FADS6: variants seen among roughly 807,000 people sequenced by gnomAD.
FADS6 encodes the protein fatty acid desaturase domain family, member 6.
A neutral mutation model predicts 31.7 loss-of-function variants in FADS6; 28 were observed. The ratio of observed to expected loss-of-function variants is 0.88; its 90% CI spans 0.66 to 1.21. FADS6 has a LOEUF of 1.21. Among genes scored for constraint, FADS6 ranks in the 50% most tolerant of loss-of-function variants. The pLI is 0.00. For missense variants in FADS6, 494 were observed against 504.2 expected (o/e 0.98, Z 0.19); for synonymous variants, 191 against 213.1 (o/e 0.90, Z 0.90).
In FADS6 at chr17:74,893,524, G is replaced by GGGCTCCGTAGGTTCCATA; in HGVS notation, c.71_72insTATGGAACCTACGGAGCC (p.Thr28_Pro33dup). ...GTTCCATGGGCTCCGTAGGTTCCAT[G>GGGCTCCGTAGGTTCCATA]GGCTCCGTAGGTTCCATGGGCTCCG... On this transcript the variant is annotated inframe_insertion, in exon 1 of 6. Coordinates refer to ENST00000612771, the MANE Select transcript of FADS6 (RefSeq NM_178128.6). 6.4e-7 allele frequency: 1 copy of GGGCTCCGTAGGTTCCATA among 1,572,758 alleles called. No individual in the cohort carries two copies. The highest frequency in any genetic ancestry group is 2.4e-5 in the East Asian group (1 of 41,872).
chr17:74,892,606 C>T lies in FADS6; in HGVS notation c.328G>A (p.Val110Ile), dbSNP rs766137906. 3.7e-6 allele frequency: 6 copies of T among 1,613,346 alleles called. No individual in the cohort carries two copies. The Middle Eastern group carries it at 8.2e-4, about 222-fold the overall frequency. Residue 110 changes from valine (V) to isoleucine (I), a missense_variant, in exon 2 of 6, where the codon GTC becomes ATC. Physicochemically the swap from Val to Ile is conservative, Grantham distance 29. Transcript: ENST00000612771. ...ILGVCHYTLT[V>I]KGSHLATHGA... ...TGAGTGGCCAGGTGGCTGCCCTTGA[C>T]AGTGAGTGTGTAGTGGCACACACCC...
chr17:74,889,338 A>G (rs2038663794), intron 2 of FADS6, among the ~76,000 whole-genome samples: 1 of 152,152 alleles, frequency 6.6e-6, no homozygotes, highest in African/African-American at 2.4e-5. Context: ...AAGCACAGAT[A>G]TCCCACAAGG....
chr17:74,881,199 G>C lies in FADS6; in HGVS notation c.649C>G (p.Leu217Val), dbSNP rs749766121. ...TALRTLALISLGLYSHYWLLL... is the reference protein window; with the variant it reads ...TALRTLALISVGLYSHYWLLL... ...AGCCAGTAGTGAGAATAAAGGCCCA[G>C]AGAAATCAGGGCCAGCGTCCGCAGG... Residue 217 changes from leucine (L) to valine (V), a missense_variant, in exon 4 of 6, where the codon CTG becomes GTG. Physicochemically the swap from Leu to Val is conservative, Grantham distance 32. Coordinates refer to ENST00000612771, the MANE Select transcript of FADS6 (RefSeq NM_178128.6). 6.2e-7 allele frequency: 1 copy of C among 1,611,568 alleles called. No individual in the cohort carries two copies.
At position 74,878,222 on chromosome 17, in the gene FADS6, C is replaced by T; in HGVS notation, c.*109G>A. The T allele has an allele frequency of 6.9e-7, 1 of 1,454,432 alleles. No individual in the cohort carries two copies. The highest frequency in any genetic ancestry group is 9.0e-7 in the Non-Finnish European group (1 of 1,105,104). The allele number at this position is 1,454,432 out of a possible 1,614,324, so 90.1% of individuals were successfully genotyped here. On this transcript the variant is annotated 3_prime_UTR_variant, in exon 6 of 6. Transcript: ENST00000612771. ...CCCCCCTGCCTGGCCGGTGCCTCCACTCTCCAGGTCCACCACCAGCCACTG... is the reference window on the plus strand; with the variant it reads ...CCCCCCTGCCTGGCCGGTGCCTCCATTCTCCAGGTCCACCACCAGCCACTG...
chr17:74,887,051 A>G (rs1243589892), intron 2 of FADS6, among the ~76,000 whole-genome samples: 1 of 127,420 alleles, frequency 7.8e-6, no homozygotes, highest in East Asian at 2.2e-4. Flanking sequence ...ACGCACACAC[A>G]CTCCAGTCTT....
chr17:74,875,839 C>T (rs1203967719), downstream of FADS6, among the ~76,000 whole-genome samples: 1 of 152,242 alleles, frequency 6.6e-6, no homozygotes, highest in Non-Finnish European at 1.5e-5. Context: ...GGATCCAAAA[C>T]TCCACTCTAT....
At chr17:74,888,264 G>C (rs751750258) in intron 2 of FADS6, among the ~76,000 whole-genome samples, 1 of 151,904 alleles carries the variant, frequency 6.6e-6, no homozygotes, top group Non-Finnish European at 1.5e-5. Context: ...GGCTACACCA[G>C]ACCTCTCTGT....
At chr17:74,877,278 G>C (rs991135480), downstream of FADS6, 2 of 151,746 alleles carry the variant, frequency 1.3e-5, no homozygotes, top group Admixed American at 1.3e-4. Context: ...AACTAGCCAA[G>C]GTCACATTCA....
chr17:74,877,216 C>T (rs945867892), downstream of FADS6: 2 of 152,286 alleles, frequency 1.3e-5, no homozygotes, highest in African/African-American at 4.8e-5. Flanking sequence ...CTTCTCTCTC[C>T]CAGTAGATGA....
At position 74,878,477 on chromosome 17, in the gene FADS6, C is replaced by G; in HGVS notation, c.961G>C (p.Val321Leu). 1 of 1,613,724 alleles carries G rather than the reference C, an allele frequency of 6.2e-7. No individual in the cohort carries two copies. The highest frequency in any genetic ancestry group is 1.1e-5 in the South Asian group (1 of 91,056). Residue 321 changes from valine (V) to leucine (L), a missense_variant and splice_region_variant, in exon 6 of 6, where the codon GTG (valine) becomes CTG (leucine). Transcript: ENST00000612771. ...AGGAACTGGGACACCACGGGCTTCA[C>G]CTGGTGGAAGATGGGCAGGAGAGGG... ...PRLSDNMCLK[V>L]KPVVSQFLRE...
chr17:74,879,775 T>C (rs150865075), intron 4 of FADS6, among the ~76,000 whole-genome samples, 192 bp from the exon 5 acceptor site: 1 of 152,332 alleles, frequency 6.6e-6, no homozygotes, highest in Non-Finnish European at 1.5e-5. Flanking sequence ...CATCCATCTC[T>C]GGGCCTCCCT....
intron 4 of FADS6, among the ~76,000 whole-genome samples, chr17:74,880,775 C>T (rs944314240): frequency 3.9e-5 from 6 of 152,174 alleles, no homozygotes; most frequent in Non-Finnish European, 8.8e-5. Context: ...TGCACCAACC[C>T]GAAGCTCCTG....
chr17:74,881,219 C>T lies in FADS6; in HGVS notation c.629G>A (p.Arg210Gln), dbSNP rs1325584142. 3.1e-6 allele frequency: 5 copies of T among 1,607,550 alleles called. No individual in the cohort carries two copies. The highest frequency in any genetic ancestry group is 1.3e-5 in the African/African-American group (1 of 74,838). ...GCCCAGAGAAATCAGGGCCAGCGTC[C>T]GCAGGGCTGTCCCGAGCTCCACCTT... ...LRKVELGTAL[R>Q]TLALISLGLY... Residue 210 changes from arginine (R) to glutamine (Q), a missense_variant, in exon 4 of 6, where the codon CGG becomes CAG. Arg to Gln is a conservative substitution (Grantham distance 43). Transcript: ENST00000612771.
At chr17:74,876,653 C>T (rs2038510135), downstream of FADS6, among the ~76,000 whole-genome samples, 1 of 152,104 alleles carries the variant, frequency 6.6e-6, no homozygotes, top group South Asian at 2.1e-4. Flanking sequence ...AAAAATTAGC[C>T]AGGCATGGTG....
rs777102887 is a variant in FADS6, at chr17:74,879,524, G to C, written c.840C>G (p.Ser280Arg). 2.8e-5 allele frequency: 45 copies of C among 1,613,716 alleles called. No homozygotes were observed. In the South Asian group the frequency reaches 4.8e-4, roughly 17 times the overall value. ...GCCGGGCCAGGTTAAGCACCCCCAG[G>C]CTCATCATGTGAATCCGACGGGGCT... ...DNKPRRIHMM[S>R]LGVLNLARLP... Residue 280 changes from serine to arginine, a missense_variant, in exon 5 of 6, where the codon AGC (serine) becomes AGG (arginine). Ser to Arg is a moderately radical substitution (Grantham distance 110). Coordinates refer to ENST00000612771, the MANE Select transcript of FADS6 (RefSeq NM_178128.6).
chr17:74,882,431 C>T, intron 3 of FADS6, 99 bp downstream of exon 3: 1 of 1,359,404 alleles, frequency 7.4e-7, no homozygotes, highest in Non-Finnish European at 9.9e-7. Flanking sequence ...TCTATCGGGC[C>T]TTCCTCTATA....
At chr17:74,884,418 G>T (rs567410693) in intron 2 of FADS6, among the ~76,000 whole-genome samples, 1 of 152,208 alleles carries the variant, frequency 6.6e-6, no homozygotes, top group South Asian at 2.1e-4. Context: ...CAAAAATATT[G>T]GTTGTCTGAA....
intron 2 of FADS6, among the ~76,000 whole-genome samples, chr17:74,889,944 C>T (rs1355786071): frequency 6.8e-6 from 1 of 146,102 alleles, no homozygotes; most frequent in Non-Finnish European, 1.5e-5. Context: ...ACCACATTAA[C>T]TCCAGAGAAA....
In FADS6 at chr17:74,892,584, G is replaced by C. The variant is rs761287241; in HGVS notation, c.350C>G (p.Thr117Ser). 6.2e-7 allele frequency: 1 copy of C among 1,613,448 alleles called. No homozygotes were observed. Among genetic ancestry groups the C allele is most frequent in the South Asian group, 1.1e-5 (1 of 90,918 alleles). ...TLTVKGSHLATHGALTESKRW... is the reference protein window; with the variant it reads ...TLTVKGSHLASHGALTESKRW... The stretch of plus-strand genomic sequence containing the variant: ...TTTGGACTCGGTGAGGGCCCCATGA[G>C]TGGCCAGGTGGCTGCCCTTGACAGT... Residue 117 changes from threonine to serine, a missense_variant, in exon 2 of 6, where the codon ACT (threonine) becomes AGT (serine). Physicochemically the swap from Thr to Ser is moderately conservative, Grantham distance 58 (BLOSUM62 1). Transcript: ENST00000612771.
Sources: gnomAD v4.1 joint callset for allele counts (sites outside exome capture counted in the v4.1 genomes callset) on GRCh38, gnomAD v4.1.1 for gene constraint, MANE v1.5 for transcripts, NCBI Gene and HGNC (gene_info 2026-07-23, HGNC 2026-07-21) for gene names.